Variants in ZNF141 observed in about 807,000 individuals in gnomAD.
ZNF141 encodes the protein zinc finger protein 141 (clone pHZ-44).
ZNF141 carries 7 observed loss-of-function variants against 11.3 expected under a neutral mutation model. The observed-to-expected ratio is 0.62, with a 90% CI of 0.35 to 1.16. ZNF141 has a LOEUF of 1.16. Among genes scored for constraint, ZNF141 ranks in the 50% most tolerant of loss-of-function variants. The pLI, the probability that ZNF141 is intolerant of heterozygous loss-of-function variation, is 0.02. For missense variants in ZNF141, 535 were observed against 554.0 expected, an observed-to-expected ratio of 0.97 and a Z score of 0.34; for synonymous variants, 183 against 190.7, an observed-to-expected ratio of 0.96 and a Z score of 0.33.
intron 1 of ZNF141, among the ~76,000 whole-genome samples, chr4:340,022 T>G (rs1553848187): frequency 6.6e-6 from 1 of 152,246 alleles, no homozygotes; most frequent in Admixed American, 6.5e-5. Flanking sequence ...ACTTTCTTTG[T>G]TTTGGCAGTC....
rs34905613 is a variant in ZNF141, at chr4:381,946, C to CTTTTTTTTTTTTTTTTTT, written c.*8086_*8103dup. ...CTAGGGCCACCACCATCTCTGGGAACTTTTTTTTTTTTTTTTTTTGAGACG... is the reference window on the plus strand; with the variant it reads ...CTAGGGCCACCACCATCTCTGGGAACTTTTTTTTTTTTTTTTTTTTTTTTTTTTTTTTTTTTTGAGACG... On this transcript the variant is annotated 3_prime_UTR_variant, in exon 4 of 4. Coordinates refer to ENST00000240499, the MANE Select transcript of ZNF141 (RefSeq NM_003441.4). 7.9e-4 allele frequency among the ~76,000 whole-genome samples: 84 copies of CTTTTTTTTTTTTTTTTTT among 105,932 alleles called. 7 individuals are homozygous for CTTTTTTTTTTTTTTTTTT. Among genetic ancestry groups the CTTTTTTTTTTTTTTTTTT allele is most frequent in the African/African-American group, 3.2e-3 (72 of 22,442 alleles). 69.5% of individuals were successfully genotyped at this position (105,932 alleles called of 152,430 possible).
intron 3 of ZNF141, among the ~76,000 whole-genome samples, chr4:360,825 G>A (rs782506333): frequency 4.6e-5 from 7 of 152,042 alleles, no homozygotes; most frequent in Admixed American, 6.6e-5. Context: ...ATATAAATGC[G>A]AATTTTCTAT....
intron 3 of ZNF141, among the ~76,000 whole-genome samples, chr4:353,469 T>TTA (rs1560187257): frequency 7.3e-6 from 1 of 137,280 alleles, no homozygotes; most frequent in African/African-American, 3.2e-5. Flanking sequence ...TATTATTATT[T>TTA]TTTTTTTTTT....
Position 373,345 on chromosome 4 carries a change from G to A in ZNF141, c.908G>A (p.Arg303Gln), listed in dbSNP as rs782456680. 1.9e-5 allele frequency: 31 copies of A among 1,608,540 alleles called. No individual in the cohort carries two copies. Among genetic ancestry groups the A allele is most frequent in the Non-Finnish European group, 2.2e-5 (26 of 1,178,440 alleles). ...TSSSNFAKHK[R>Q]IHTGEKPYKC... ...TCCTCAAACTTTGCCAAACATAAGC[G>A]AATTCATACTGGAGAGAAACCCTAC... The change falls in exon 4 of 4, where the codon CGA becomes CAA. Residue 303 changes from arginine to glutamine, a missense_variant. Coordinates refer to ENST00000240499, the MANE Select transcript of ZNF141 (RefSeq NM_003441.4).
intron 3 of ZNF141, among the ~76,000 whole-genome samples, chr4:363,387 C>G (rs916772888): frequency 2.0e-5 from 3 of 152,160 alleles, no homozygotes; most frequent in Admixed American, 6.6e-5. Flanking sequence ...CATGATTGCC[C>G]TGGCCAGAAC....
At chr4:348,432 G>C (rs1721439316) in intron 3 of ZNF141, among the ~76,000 whole-genome samples, 1 of 152,124 alleles carries the variant, frequency 6.6e-6, no homozygotes, top group Non-Finnish European at 1.5e-5. Flanking sequence ...CATGATGCCT[G>C]CCAGACAAGG....
intron 3 of ZNF141, among the ~76,000 whole-genome samples, chr4:351,076 G>A (rs1193184603): frequency 1.3e-5 from 2 of 151,480 alleles, no homozygotes; most frequent in African/African-American, 4.9e-5. Flanking sequence ...AAAGCATGTG[G>A]CACCTCCCCT....
At chr4:345,958 C>G (rs1181823581) in intron 3 of ZNF141, among the ~76,000 whole-genome samples, 1 of 152,098 alleles carries the variant, frequency 6.6e-6, no homozygotes. Context: ...CAATTGTTCT[C>G]TTATTTGTTA....
chr4:383,278 C>T lies in ZNF141; in HGVS notation c.*9416C>T. On this transcript the variant is annotated 3_prime_UTR_variant, in exon 4 of 4. Coordinates refer to ENST00000240499, the MANE Select transcript of ZNF141 (RefSeq NM_003441.4). ...AGCCCAGAAGAATGGCCCGGCTGAG[C>T]CCAGCCTAAATTTCTAACCAGCTCA... The T allele has an allele frequency of 1.6e-6, 1 of 626,890 alleles. No homozygotes were observed. The highest frequency in any genetic ancestry group is 1.9e-5 in the South Asian group (1 of 53,900). 38.8% of individuals were successfully genotyped at this position (626,890 alleles called of 1,614,324 possible).
intron 3 of ZNF141, among the ~76,000 whole-genome samples, chr4:358,833 C>T (rs1721978402): frequency 6.6e-6 from 1 of 151,042 alleles, no homozygotes; most frequent in Non-Finnish European, 1.5e-5. Context: ...CTCGGCCTCC[C>T]AAAGTGCTGG....
rs782059562 is a variant in ZNF141 at position 373,902 on chromosome 4, G to T, written c.*40G>T. The T allele has an allele frequency of 1.3e-6, 2 of 1,522,026 alleles. No individual in the cohort carries two copies. The highest frequency in any genetic ancestry group is 4.5e-5 in the East Asian group (2 of 44,256). 94.3% of individuals were successfully genotyped at this position (1,522,026 alleles called of 1,614,324 possible). On this transcript the variant is annotated 3_prime_UTR_variant, in exon 4 of 4. Coordinates refer to ENST00000240499, the MANE Select transcript of ZNF141 (RefSeq NM_003441.4). Reference sequence around the variant, plus strand: ...ATGTAAAGAATGTGGCAAACCTTTGGATGATCCACAAACCTTAATGAACAT... The same window carrying T: ...ATGTAAAGAATGTGGCAAACCTTTGTATGATCCACAAACCTTAATGAACAT...
chr4:344,044 C>T, intron 2 of ZNF141, 136 bp downstream of exon 2: 2 of 1,265,560 alleles, frequency 1.6e-6, no homozygotes, highest in Non-Finnish European at 2.2e-6. Context: ...TTGAGTCCTT[C>T]ACTCTAGGTT....
rs781940636 is a variant in ZNF141, at chr4:344,467, G to A, written c.226+37G>A. 3.8e-5 allele frequency: 60 copies of A among 1,561,010 alleles called. 1 individual carries two copies. The South Asian group carries it at 4.2e-4, about 11-fold the overall frequency. On this transcript the variant is annotated intron_variant, in intron 3 of 3. Coordinates refer to ENST00000240499, the MANE Select transcript of ZNF141 (RefSeq NM_003441.4). ...TGAATGGAGGAGAGGGCACAGGCAA[G>A]GGGACCAAAGGTCAAGAAGGAAGCC...
rs1266373699 is a variant in ZNF141 at position 369,758 on chromosome 4, A to T, written c.227-2906A>T. ...AAGAGATATATATATATATATATAT[A>T]TATATATTTTTTTTTTTTTTTTTTT... On this transcript the variant is annotated intron_variant, in intron 3 of 3. Transcript: ENST00000240499. Among the ~76,000 whole-genome samples the T allele has an allele frequency of 5.5e-3, 191 of 34,718 alleles. 3 individuals are homozygous for T. The highest frequency in any genetic ancestry group is 0.033 in the African/African-American group (172 of 5,288). 22.8% of individuals were successfully genotyped at this position (34,718 alleles called of 152,430 possible).
rs1453379292 is a variant in ZNF141, at chr4:379,684, T to G, written c.*5822T>G. ...CACTGCGCCCAGCCTCTATGGTTAT[T>G]ATATTACAAAAACAGCACAAAAACT... is the stretch of plus-strand genomic sequence containing the variant. On this transcript the variant is annotated 3_prime_UTR_variant, in exon 4 of 4. Coordinates refer to ENST00000240499, the MANE Select transcript of ZNF141 (RefSeq NM_003441.4). 3.3e-5 allele frequency among the ~76,000 whole-genome samples: 5 copies of G among 152,256 alleles called. No individual in the cohort carries two copies. Among genetic ancestry groups the G allele is most frequent in the Non-Finnish European group, 7.3e-5 (5 of 68,048 alleles).
intron 3 of ZNF141, among the ~76,000 whole-genome samples, chr4:357,433 AAG>A (rs1311038062): frequency 6.6e-6 from 1 of 151,932 alleles, no homozygotes; most frequent in African/African-American, 2.4e-5. Flanking sequence ...AAAAAAAAAA[AAG>A]AATCTCTCTT....
At position 376,013 on chromosome 4, in the gene ZNF141, C is replaced by G. The variant is rs1553854568; in HGVS notation, c.*2151C>G. On this transcript the variant is annotated 3_prime_UTR_variant, in exon 4 of 4. Transcript: ENST00000240499. ...TCTGTTTTAGTAGTAAATTGTTTTA[C>G]CAATTATACATTTATGTAATAAGAT... Among the ~76,000 whole-genome samples the G allele has an allele frequency of 6.6e-6, 1 of 151,760 alleles. No homozygotes were observed. The highest frequency in any genetic ancestry group is 1.5e-5 in the Non-Finnish European group (1 of 67,834).
downstream of ZNF141, chr4:384,868 ACT>A (rs1319616673): frequency 2.4e-4 from 36 of 151,898 alleles, no homozygotes; most frequent in African/African-American, 8.0e-4. Flanking sequence ...TGCTTTATTC[ACT>A]CTCTGATGTC....
At chr4:359,260 ACTTT>A (rs1416939680) in intron 3 of ZNF141, among the ~76,000 whole-genome samples, 4 of 152,142 alleles carry the variant, frequency 2.6e-5, no homozygotes, top group Non-Finnish European at 5.9e-5. Flanking sequence ...AGGAGACTGA[ACTTT>A]CTTTAAGATC....
Sources: allele counts gnomAD v4.1 joint callset (sites outside exome capture counted in the v4.1 genomes callset), GRCh38; gene constraint gnomAD v4.1.1; transcripts MANE v1.5; gene names NCBI Gene and HGNC (gene_info 2026-07-23, HGNC 2026-07-21).